Variants in EFEMP1 observed in about 807,000 individuals in gnomAD.
EFEMP1 encodes EGF-containing fibulin-like extracellular matrix protein 1.
A neutral mutation model predicts 65.7 loss-of-function variants in EFEMP1; 18 were observed. The ratio of observed to expected loss-of-function variants is 0.27; its 90% CI spans 0.19 to 0.41. The LOEUF (loss-of-function observed/expected upper bound fraction) is 0.41. Among genes scored for constraint, EFEMP1 ranks in the 10% least tolerant of loss-of-function variants. The pLI is 1.00. For synonymous variants in EFEMP1, 237 were observed against 219.7 expected (o/e 1.08, Z -0.70); for missense variants, 469 against 624.8 (o/e 0.75, Z 2.66).
Position 55,877,714 on chromosome 2 carries a change from G to T in EFEMP1, c.760+32C>A. The T allele has an allele frequency of 6.2e-7, 1 of 1,612,050 alleles. No individual in the cohort carries two copies. The highest frequency in any genetic ancestry group is 1.1e-5 in the South Asian group (1 of 91,024). On this transcript the variant is annotated intron_variant, in intron 7 of 11. Transcript: ENST00000355426. The surrounding 1 kb of genome is among the most constrained non-coding windows in gnomAD (Gnocchi z 4.5). ...ATGGCATGGGGTTTCCTTTTGTGAA[G>T]ACAGAAATCAGCAAGTTCTCAAAAG...
At chr2:55,906,162 C>G (rs1297526776) in intron 5 of EFEMP1, among the ~76,000 whole-genome samples, 1 of 151,834 alleles carries the variant, frequency 6.6e-6, no homozygotes, top group Non-Finnish European at 1.5e-5. Context: ...CCACCCTGAC[C>G]CACGACAATC....
chr2:55,887,816 G>A (rs1041547102), intron 5 of EFEMP1, among the ~76,000 whole-genome samples: 7 of 152,108 alleles, frequency 4.6e-5, no homozygotes, highest in East Asian at 1.9e-4. Context: ...AGAGAGTGGC[G>A]AAATCAAGTG....
In EFEMP1 at chr2:55,873,702, T is replaced by C. The variant is rs1468245338; in HGVS notation, c.1000+1244A>G. On this transcript the variant is annotated intron_variant, in intron 9 of 11. Coordinates refer to ENST00000355426, the MANE Select transcript of EFEMP1 (RefSeq NM_001039348.3). This position sits in a 1 kb window ranked among gnomAD's most constrained non-coding sequence, Gnocchi z 4.6. ...GAAAGGGTTATAAAGATGTTCATTG[T>C]GCAATGAACTACATTCTGATTATGC... 1.3e-5 allele frequency among the ~76,000 whole-genome samples: 2 copies of C among 152,076 alleles called. No individual in the cohort carries two copies. Among genetic ancestry groups the C allele is most frequent in the East Asian group, 3.9e-4 (2 of 5,194 alleles).
chr2:55,915,887 A>G (rs1670658359), intron 5 of EFEMP1, among the ~76,000 whole-genome samples: 6 of 152,074 alleles, frequency 3.9e-5, no homozygotes, highest in Admixed American at 3.9e-4. Flanking sequence ...TCCTTGACAT[A>G]ATCCTTAAAT....
intron 5 of EFEMP1, among the ~76,000 whole-genome samples, chr2:55,909,500 G>C (rs948299253): frequency 6.6e-6 from 1 of 152,158 alleles, no homozygotes; most frequent in Non-Finnish European, 1.5e-5. Flanking sequence ...AGGACAGATG[G>C]AATGTGGACA....
intron 7 of EFEMP1, 111 bp from the exon 8 acceptor site, chr2:55,876,853 C>T (rs979701996): frequency 1.9e-6 from 1 of 538,110 alleles, no homozygotes; most frequent in Middle Eastern, 6.5e-4. Context: ...CATCTGCTGA[C>T]AAGTGAGTAA....
Position 55,896,080 on chromosome 2 carries a change from T to A in EFEMP1, c.518-14346A>T, listed in dbSNP as rs565875947. 1.8e-3 allele frequency among the ~76,000 whole-genome samples: 276 copies of A among 152,336 alleles called. 1 individual carries two copies. Among genetic ancestry groups the A allele is most frequent in the Middle Eastern group, 0.014 (4 of 294 alleles). ...AGGCACGTATCAGTGGCCTATATAA[T>A]TTTATAGCCTCAACTTGTTGAAGGT... is the stretch of plus-strand genomic sequence containing the variant. On this transcript the variant is annotated intron_variant, in intron 5 of 11. Transcript: ENST00000355426.
chr2:55,871,121 T>C lies in EFEMP1; in HGVS notation c.1003A>G (p.Ile335Val), dbSNP rs754909186. The C allele has an allele frequency of 6.2e-6, 10 of 1,613,590 alleles. No homozygotes were observed. The highest frequency in any genetic ancestry group is 1.7e-5 in the Admixed American group (1 of 59,922). ...TCATTTGTGGTCTCACACTCATTTA[T>C]ATCTGTAGAGATGTAGGGTCAAAGA... ...QVVRSRTCQDINECETTNECR... is the reference protein window; with the variant it reads ...QVVRSRTCQDVNECETTNECR... The change falls in exon 10 of 12, where the codon ATA becomes GTA. Residue 335 changes from isoleucine (I) to valine (V), a missense_variant and splice_region_variant. Ile to Val is a conservative substitution (Grantham distance 29). Around this residue, in one of 3 missense-constraint regions of EFEMP1, gnomAD observed 399 missense variants for 528.2 expected, o/e 0.76. Coordinates refer to ENST00000355426, the MANE Select transcript of EFEMP1 (RefSeq NM_001039348.3). This position sits in a 1 kb window ranked among gnomAD's most constrained non-coding sequence, Gnocchi z 4.2.
At chr2:55,868,410 T>C (rs1668668984) in intron 11 of EFEMP1, among the ~76,000 whole-genome samples, 1 of 152,134 alleles carries the variant, frequency 6.6e-6, no homozygotes, top group South Asian at 2.1e-4. Flanking sequence ...GTGATAGGGC[T>C]ATGAAGAATA....
chr2:55,892,356 T>C (rs987942237), intron 5 of EFEMP1, among the ~76,000 whole-genome samples: 2 of 152,102 alleles, frequency 1.3e-5, no homozygotes, highest in Non-Finnish European at 2.9e-5. Flanking sequence ...TCTAATCTCT[T>C]CTCCCCTCTC....
In EFEMP1 at chr2:55,867,111, A is replaced by G; in HGVS notation, c.1444T>C (p.Leu482=). The change falls in exon 12 of 12, where the codon TTA becomes CTA. Residue 482 remains leucine (L), a synonymous_variant. Transcript: ENST00000355426. This position sits in a 1 kb window ranked among gnomAD's most constrained non-coding sequence, Gnocchi z 4.3. ...GGCCCCACTATTATTGTCAATCTTA[A>G]CACAGAGCTTGTGCGGAAGGTCCCT... is the stretch of plus-strand genomic sequence containing the variant. ...SIGTFRTSSV[L]RLTIIVGPFS... is the part of the protein sequence containing the mutation. 1 of 1,613,524 alleles carries G rather than the reference A, an allele frequency of 6.2e-7. No individual in the cohort carries two copies. The highest frequency in any genetic ancestry group is 1.1e-5 in the South Asian group (1 of 91,056).
chr2:55,894,994 T>C (rs1482188468), intron 5 of EFEMP1, among the ~76,000 whole-genome samples: 2 of 152,238 alleles, frequency 1.3e-5, no homozygotes, highest in South Asian at 4.1e-4. Flanking sequence ...TTCTTCCAAC[T>C]TGAGAACTCT....
Position 55,877,732 on chromosome 2 carries a change from C to T in EFEMP1, c.760+14G>A. 2.5e-6 allele frequency: 4 copies of T among 1,612,638 alleles called. No homozygotes were observed. Among genetic ancestry groups the T allele is most frequent in the Non-Finnish European group, 3.4e-6 (4 of 1,178,980 alleles). On this transcript the variant is annotated intron_variant, in intron 7 of 11. Transcript: ENST00000355426. This position sits in a 1 kb window ranked among gnomAD's most constrained non-coding sequence, Gnocchi z 4.5. ...TTGTGAAGACAGAAATCAGCAAGTT[C>T]TCAAAAGGCTTACCTACGCAGGTAT... is the stretch of plus-strand genomic sequence containing the variant.
chr2:55,870,929 CA>C lies in EFEMP1; in HGVS notation c.1125-15del. The C allele has an allele frequency of 6.2e-7, 1 of 1,613,694 alleles. No individual in the cohort carries two copies. Among genetic ancestry groups the C allele is most frequent in the East Asian group, 2.2e-5 (1 of 44,874 alleles). ...CAAACACATCGGCTGCAGAGACAAACAAAAGTATTCAGCAGTTTGGCTTGGT... is the reference window on the plus strand; with the variant it reads ...CAAACACATCGGCTGCAGAGACAAACAAAGTATTCAGCAGTTTGGCTTGGT... On this transcript the variant is annotated splice_polypyrimidine_tract_variant and intron_variant, in intron 10 of 11. Coordinates refer to ENST00000355426, the MANE Select transcript of EFEMP1 (RefSeq NM_001039348.3). The surrounding 1 kb of genome is among the most constrained non-coding windows in gnomAD (Gnocchi z 5.8).
rs1241019989 is a variant in EFEMP1, at chr2:55,870,405, G to T, written c.1320+315C>A. On this transcript the variant is annotated intron_variant, in intron 11 of 11. Transcript: ENST00000355426. This position sits in a 1 kb window ranked among gnomAD's most constrained non-coding sequence, Gnocchi z 5.8. ...GGGGGGATGGGAGGCTTGTATTTTCGTGGTCACACACAACTCTATCAGAGT... is the reference window on the plus strand; with the variant it reads ...GGGGGGATGGGAGGCTTGTATTTTCTTGGTCACACACAACTCTATCAGAGT... 1.3e-5 allele frequency among the ~76,000 whole-genome samples: 2 copies of T among 151,908 alleles called. No homozygotes were observed. The highest frequency in any genetic ancestry group is 2.4e-5 in the African/African-American group (1 of 41,354).
In EFEMP1 at chr2:55,870,678, C is replaced by A; in HGVS notation, c.1320+42G>T. On this transcript the variant is annotated intron_variant, in intron 11 of 11. Transcript: ENST00000355426. This position sits in a 1 kb window ranked among gnomAD's most constrained non-coding sequence, Gnocchi z 5.8. Reference sequence around the variant, plus strand: ...ACAACAACAACAACAACAACAAACTCCCATCTTTCTCAATAGTTAAGGCTG... The same window carrying A: ...ACAACAACAACAACAACAACAAACTACCATCTTTCTCAATAGTTAAGGCTG... The A allele has an allele frequency of 1.2e-6, 2 of 1,605,144 alleles. No individual in the cohort carries two copies. The highest frequency in any genetic ancestry group is 1.7e-6 in the Non-Finnish European group (2 of 1,172,938).
chr2:55,898,684 C>T lies in EFEMP1; in HGVS notation c.518-16950G>A, dbSNP rs550401616. Among the ~76,000 whole-genome samples, 49 of 152,256 alleles carry T rather than the reference C, an allele frequency of 3.2e-4. No individual in the cohort carries two copies. The South Asian group carries it at 7.3e-3, about 23-fold the overall frequency. ...ATAGGGTTTTCATTATGTCACTCTT[C>T]GCTCAAAATCTGTCACTAATTGTGA... On this transcript the variant is annotated intron_variant, in intron 5 of 11. Coordinates refer to ENST00000355426, the MANE Select transcript of EFEMP1 (RefSeq NM_001039348.3).
At chr2:55,869,185 GA>G (rs937813041) in intron 11 of EFEMP1, among the ~76,000 whole-genome samples, 3 of 151,972 alleles carry the variant, frequency 2.0e-5, no homozygotes, top group East Asian at 1.9e-4. Context: ...TAATTGCAAA[GA>G]AAAAACATGT....
rs1044289358 is a variant in EFEMP1 at position 55,917,070 on chromosome 2, C to G, written c.517+595G>C. 1.3e-5 allele frequency among the ~76,000 whole-genome samples: 2 copies of G among 152,162 alleles called. No individual in the cohort carries two copies. The highest frequency in any genetic ancestry group is 2.9e-5 in the Non-Finnish European group (2 of 68,036). On this transcript the variant is annotated intron_variant, in intron 5 of 11. Transcript: ENST00000355426. This position sits in a 1 kb window ranked among gnomAD's most constrained non-coding sequence, Gnocchi z 6.3. ...CCAAGGTAATGAGAAGCAGGAGCCC[C>G]ATTTCTTTACTCCTGAATGAGGAAA...
Sources: gnomAD v4.1 joint callset for allele counts (sites outside exome capture counted in the v4.1 genomes callset) on GRCh38, gnomAD v4.1.1 for gene constraint, gnomAD v4.1.1 regional missense constraint, Gnocchi (gnomAD v3.1) non-coding constraint, MANE v1.5 for transcripts, NCBI Gene and HGNC (gene_info 2026-07-23, HGNC 2026-07-21) for gene names.